The following FAM135B variants were observed in gnomAD, a reference collection of about 807,000 sequenced individuals.
The protein encoded by FAM135B is protein FAM135B.
In FAM135B, 43 loss-of-function variants were observed where a neutral mutation model predicts 127.7. That is an observed-to-expected ratio of 0.34 (90% CI 0.26 to 0.43). The LOEUF is 0.43. FAM135B is among the 20% of genes least tolerant of loss of function. The pLI, the probability that FAM135B is intolerant of heterozygous loss-of-function variation, is 1.00. For synonymous variants in FAM135B, 670 were observed against 665.1 expected (o/e 1.01, Z -0.11); for missense variants, 1,558 against 1,725.6 (o/e 0.90, Z 1.72).
chr8:138,173,292 C>CTT (rs1437034726), intron 11 of FAM135B, among the ~76,000 whole-genome samples: 1 of 152,118 alleles, frequency 6.6e-6, no homozygotes, highest in Non-Finnish European at 1.5e-5. Context: ...CATAAGAACA[C>CTT]TTCTGTTTTA....
Position 138,242,847 on chromosome 8 carries a change from A to G in FAM135B, c.669+95T>C. ...GGGTCAAATTAGCAAAAATCTCTGA[A>G]GGGGATGTTTCAAAGAAGCATGAAT... is the stretch of plus-strand genomic sequence containing the variant. On this transcript the variant is annotated intron_variant, in intron 7 of 19. Transcript: ENST00000395297. The surrounding 1 kb of genome is among the most constrained non-coding windows in gnomAD (Gnocchi z 9.6). 1 of 1,478,236 alleles carries G rather than the reference A, an allele frequency of 6.8e-7. No individual in the cohort carries two copies. The allele number at this position is 1,478,236 out of a possible 1,614,324, so 91.6% of individuals were successfully genotyped here.
chr8:138,405,040 T>C lies in FAM135B; in HGVS notation c.-19-37038A>G, dbSNP rs564255817. 3.9e-5 allele frequency among the ~76,000 whole-genome samples: 6 copies of C among 152,272 alleles called. No homozygotes were observed. In the South Asian group the frequency reaches 1.0e-3, roughly 26 times the overall value. ...GAGGAATCACTACCTATTGCAGCTA[T>C]AGCCTCACTAAATGTATTTCTTAAA... is the stretch of plus-strand genomic sequence containing the variant. On this transcript the variant is annotated intron_variant, in intron 1 of 19. Transcript: ENST00000395297.
chr8:138,494,637 T>C (rs1815317215), intron 1 of FAM135B, among the ~76,000 whole-genome samples: 1 of 152,146 alleles, frequency 6.6e-6, no homozygotes, highest in African/African-American at 2.4e-5. Context: ...CTTGGTTCCT[T>C]CCAGAAATTA....
chr8:138,424,073 T>A (rs1333776095), intron 1 of FAM135B, among the ~76,000 whole-genome samples: 1 of 152,154 alleles, frequency 6.6e-6, no homozygotes, highest in Non-Finnish European at 1.5e-5. Context: ...GTGCCCAGAT[T>A]TCATATTGTT....
intron 3 of FAM135B, among the ~76,000 whole-genome samples, chr8:138,307,012 C>T (rs888326076): frequency 2.0e-5 from 3 of 152,180 alleles, no homozygotes; most frequent in Non-Finnish European, 2.9e-5. Context: ...CCATCGATGT[C>T]CATCTTCCCA....
At chr8:138,177,570 C>T in intron 10 of FAM135B, 150 bp from the exon 11 acceptor site, 1 of 652,580 alleles carries the variant, frequency 1.5e-6, no homozygotes, top group Non-Finnish European at 2.6e-6. Flanking sequence ...AATCAACAGT[C>T]TTCACATTCC....
chr8:138,397,259 A>T (rs76841260), intron 1 of FAM135B, among the ~76,000 whole-genome samples: 5,405 of 152,294 alleles, frequency 0.035, 331 homozygotes, highest in African/African-American at 0.12. Flanking sequence ...AACCTTGAAC[A>T]CATCATTCTA....
chr8:138,210,666 C>G (rs530833247), intron 7 of FAM135B, among the ~76,000 whole-genome samples: 50 of 152,150 alleles, frequency 3.3e-4, no homozygotes, highest in Non-Finnish European at 5.7e-4. Flanking sequence ...GAAATCCATC[C>G]CCATGATCCA....
At chr8:138,248,945 AG>A (rs1821500287) in intron 6 of FAM135B, among the ~76,000 whole-genome samples, 1 of 152,164 alleles carries the variant, frequency 6.6e-6, no homozygotes, top group African/African-American at 2.4e-5. Flanking sequence ...ATCCCCAAAA[AG>A]TAAGTGGTAG....
At chr8:138,193,164 G>T (rs531527143) in intron 9 of FAM135B, among the ~76,000 whole-genome samples, 14 of 152,304 alleles carry the variant, frequency 9.2e-5, no homozygotes, top group Admixed American at 5.2e-4. Flanking sequence ...GAGGCAGAAG[G>T]CCTGCTGCAT....
At chr8:138,468,264 G>A (rs1837480336) in intron 1 of FAM135B, among the ~76,000 whole-genome samples, 1 of 152,140 alleles carries the variant, frequency 6.6e-6, no homozygotes, top group Admixed American at 6.5e-5. Flanking sequence ...CCTAGTAATG[G>A]AACATTTCCA....
intron 3 of FAM135B, among the ~76,000 whole-genome samples, chr8:138,309,443 C>A (rs768315342): frequency 2.0e-5 from 3 of 152,210 alleles, no homozygotes; most frequent in Non-Finnish European, 2.9e-5. Flanking sequence ...TAATGCTTCA[C>A]TCTGCTCAGA....
At chr8:138,353,203 G>A (rs1829885124) in intron 2 of FAM135B, among the ~76,000 whole-genome samples, 3 of 152,120 alleles carry the variant, frequency 2.0e-5, no homozygotes, top group Admixed American at 2.0e-4. Context: ...CGACCATATT[G>A]AGTAGTAAAA....
At chr8:138,399,272 C>T (rs1477968058) in intron 1 of FAM135B, among the ~76,000 whole-genome samples, 1 of 152,094 alleles carries the variant, frequency 6.6e-6, no homozygotes, top group Admixed American at 6.5e-5. Flanking sequence ...CCCACAGCAA[C>T]CCTATAAGAT....
At chr8:138,211,036 C>G (rs1376838840) in intron 7 of FAM135B, among the ~76,000 whole-genome samples, 1 of 152,114 alleles carries the variant, frequency 6.6e-6, no homozygotes, top group South Asian at 2.1e-4. Flanking sequence ...CAGAGCCATG[C>G]TCCTAATCAC....
intron 3 of FAM135B, among the ~76,000 whole-genome samples, chr8:138,302,000 A>G (rs984309135): frequency 6.6e-6 from 1 of 152,172 alleles, no homozygotes; most frequent in African/African-American, 2.4e-5. Flanking sequence ...CGTCAGGACT[A>G]ACATTCCAGT....
intron 2 of FAM135B, among the ~76,000 whole-genome samples, chr8:138,362,138 C>T (rs1830457427): frequency 6.6e-6 from 1 of 151,870 alleles, no homozygotes; most frequent in Admixed American, 6.6e-5. Flanking sequence ...ATCCAATCAC[C>T]CTCTTTTAGC....
At position 138,185,212 on chromosome 8, in the gene FAM135B, A is replaced by G. The variant is rs951620634; in HGVS notation, c.874-6522T>C. ...AAACCTACATCACAGCATCAAAACGAGGACCCATGGAGCACACATGTAACA... is the reference window on the plus strand; with the variant it reads ...AAACCTACATCACAGCATCAAAACGGGGACCCATGGAGCACACATGTAACA... On this transcript the variant is annotated intron_variant, in intron 9 of 19. Coordinates refer to ENST00000395297, the MANE Select transcript of FAM135B (RefSeq NM_015912.4). 3.3e-5 allele frequency among the ~76,000 whole-genome samples: 5 copies of G among 152,338 alleles called. No individual in the cohort carries two copies. The East Asian group carries it at 9.7e-4, about 29-fold the overall frequency.
intron 3 of FAM135B, among the ~76,000 whole-genome samples, chr8:138,302,139 TA>T (rs2130849822): frequency 6.6e-6 from 1 of 151,598 alleles, no homozygotes; most frequent in South Asian, 2.1e-4. Flanking sequence ...GAAGTGTTAT[TA>T]TTATTATTAT....
Sources: gnomAD v4.1 joint callset for allele counts (sites outside exome capture counted in the v4.1 genomes callset) on GRCh38, gnomAD v4.1.1 for gene constraint, Gnocchi (gnomAD v3.1) non-coding constraint, MANE v1.5 for transcripts, NCBI Gene and HGNC (gene_info 2026-07-23, HGNC 2026-07-21) for gene names.